VPS13B: variants seen among roughly 807,000 people sequenced by gnomAD.
VPS13B encodes vacuolar protein sorting 13 homolog B.
Under a neutral mutation model 426.4 loss-of-function variants are expected in VPS13B, and 285 were observed. The ratio of observed to expected loss-of-function variants is 0.67; its 90% CI spans 0.61 to 0.74. VPS13B has a LOEUF of 0.74. Ranked by LOEUF, VPS13B falls within the 30% of genes least tolerant of loss-of-function variation. The pLI is 0.00. For synonymous variants in VPS13B, 1,676 were observed against 1,676.4 expected (o/e 1.00, Z 0.01); for missense variants, 4,537 against 4,782.6 (o/e 0.95, Z 1.51).
intron 34 of VPS13B, among the ~76,000 whole-genome samples, chr8:99,658,965 C>T (rs1830120057): frequency 6.6e-6 from 1 of 152,060 alleles, no homozygotes; most frequent in South Asian, 2.1e-4. Flanking sequence ...ATGGGGACTA[C>T]AGGCATGGCA....
intron 17 of VPS13B, among the ~76,000 whole-genome samples, chr8:99,212,962 A>G (rs1176469120): frequency 6.6e-6 from 1 of 152,242 alleles, no homozygotes. Flanking sequence ...TTTCTTTAGG[A>G]TTAGTCTTAG....
At chr8:99,625,670 A>G (rs977455581) in intron 33 of VPS13B, among the ~76,000 whole-genome samples, 3 of 152,118 alleles carry the variant, frequency 2.0e-5, no homozygotes, top group African/African-American at 2.4e-5. Flanking sequence ...CCTGGACAAC[A>G]TAATGAAACC....
In VPS13B at chr8:99,577,539, T is replaced by C. The variant is rs2133812014; in HGVS notation, c.5126T>C (p.Leu1709Pro). 3 of 1,613,914 alleles carry C rather than the reference T, an allele frequency of 1.9e-6. No individual in the cohort carries two copies. The highest frequency in any genetic ancestry group is 2.5e-6 in the Non-Finnish European group (3 of 1,179,802). ...TTAGAAGTGAATATAACCACAAACC[T>C]GGACTTCTTCCTAAGTGTGGCTCAA... ...HSLEVNITTN[L>P]DFFLSVAQVQ... The change falls in exon 33 of 62, where the codon CTG (leucine) becomes CCG (proline). Residue 1709 changes from leucine (L) to proline (P), a missense_variant. Coordinates refer to ENST00000357162, the MANE Select transcript of VPS13B (RefSeq NM_152564.5).
At chr8:99,412,628 T>C (rs577424611) in intron 21 of VPS13B, among the ~76,000 whole-genome samples, 35 of 152,126 alleles carry the variant, frequency 2.3e-4, no homozygotes, top group Admixed American at 1.8e-3. Context: ...GTGGTAAGAG[T>C]GGGCATCCTT....
At chr8:99,515,361 A>AGCTGCTGCT (rs576737553) in intron 29 of VPS13B, among the ~76,000 whole-genome samples, 129 of 150,162 alleles carry the variant, frequency 8.6e-4, no homozygotes, top group Middle Eastern at 3.4e-3. Context: ...TTATTTTTAA[A>AGCTGCTGCT]GCTGCTGCTG....
chr8:99,070,021 C>T (rs945700270), intron 3 of VPS13B, among the ~76,000 whole-genome samples: 14 of 152,280 alleles, frequency 9.2e-5, no homozygotes, highest in Admixed American at 2.6e-4. Flanking sequence ...CCCCCCGCCA[C>T]GGCATCCCAA....
intron 60 of VPS13B, 166 bp from the exon 61 acceptor site, chr8:99,871,280 CAG>C: frequency 9.5e-7 from 1 of 1,050,388 alleles, no homozygotes; most frequent in Non-Finnish European, 1.4e-6. Context: ...TTCTGTTAAT[CAG>C]AATCAGTCTG....
chr8:99,847,020 G>A (rs1816019990), intron 54 of VPS13B, among the ~76,000 whole-genome samples: 1 of 151,808 alleles, frequency 6.6e-6, no homozygotes, highest in African/African-American at 2.4e-5. Flanking sequence ...TTTACCTTAT[G>A]TATCATACAA....
chr8:99,562,605 G>T (rs1301948789), intron 31 of VPS13B, among the ~76,000 whole-genome samples: 1 of 152,010 alleles, frequency 6.6e-6, no homozygotes, highest in African/African-American at 2.4e-5. Context: ...TAATTGAGTT[G>T]CTTGACTTCT....
chr8:99,208,065 G>A (rs1319416841), intron 17 of VPS13B, among the ~76,000 whole-genome samples: 5 of 152,158 alleles, frequency 3.3e-5, no homozygotes, highest in Non-Finnish European at 1.5e-5. Context: ...ACTTAAAACA[G>A]CAAATTTATT....
chr8:99,640,300 A>G lies in VPS13B; in HGVS notation c.5221-1511A>G, dbSNP rs529605730. Among the ~76,000 whole-genome samples the G allele has an allele frequency of 2.2e-3, 335 of 151,760 alleles. 1 individual carries two copies. Among genetic ancestry groups the G allele is most frequent in the African/African-American group, 7.5e-3 (312 of 41,396 alleles). ...TTGTTTTTGTTTTTGTTTTTGAGAT[A>G]GGGTCTCACTCTGTCACCCAGGCTG... is the stretch of plus-strand genomic sequence containing the variant. On this transcript the variant is annotated intron_variant, in intron 33 of 61. Transcript: ENST00000357162.
intron 35 of VPS13B, among the ~76,000 whole-genome samples, chr8:99,663,043 C>A (rs1034628386): frequency 6.6e-6 from 1 of 151,844 alleles, no homozygotes; most frequent in Non-Finnish European, 1.5e-5. Context: ...GGCAACAGAG[C>A]AAGACTCTGT....
chr8:99,109,053 A>C (rs6997225), intron 5 of VPS13B, among the ~76,000 whole-genome samples: 125,343 of 151,910 alleles, frequency 0.83, 52,172 homozygotes, highest in South Asian at 0.89. Flanking sequence ...AAGCTTCCTA[A>C]CCTCTTTTTA....
Position 99,766,946 on chromosome 8 carries a change from G to A in VPS13B, c.7223G>A (p.Ser2408Asn), listed in dbSNP as rs750579726. 1.9e-6 allele frequency: 3 copies of A among 1,613,938 alleles called. No homozygotes were observed. Among genetic ancestry groups the A allele is most frequent in the South Asian group, 2.2e-5 (2 of 91,074 alleles). The change falls in exon 40 of 62, where the codon AGT becomes AAT. Residue 2408 changes from serine to asparagine, a missense_variant. Coordinates refer to ENST00000357162, the MANE Select transcript of VPS13B (RefSeq NM_152564.5). ...SDLWRIVLNS[S>N]QNGADDQSSA... ...CTTTGGAGAATTGTCTTGAACAGCA[G>A]TCAAAATGGAGCTGATGACCAAAGG...
At position 99,274,221 on chromosome 8, in the gene VPS13B, C is replaced by A. The variant is rs774142530; in HGVS notation, c.2539C>A (p.Pro847Thr). Residue 847 changes from proline to threonine, a missense_variant, in exon 18 of 62, where the codon CCA (proline) becomes ACA (threonine). Pro to Thr is a conservative substitution (Grantham distance 38). This residue lies in a region of VPS13B where 4,311 missense variants were observed against 4,474.3 expected (regional missense o/e 0.96). Coordinates refer to ENST00000357162, the MANE Select transcript of VPS13B (RefSeq NM_152564.5). Reference sequence around the variant, plus strand: ...AGGTGTGAAATCTAAGAATCCCCTGCCAACTCTTGAGGGCTCAATCCAGAA... The same window carrying A: ...AGGTGTGAAATCTAAGAATCCCCTGACAACTCTTGAGGGCTCAATCCAGAA... ...SIGVKSKNPL[P>T]TLEGSIQNVE... The A allele has an allele frequency of 2.2e-5, 35 of 1,614,108 alleles. No homozygotes were observed. Among genetic ancestry groups the A allele is most frequent in the Non-Finnish European group, 3.0e-5 (35 of 1,180,002 alleles).
rs1261308067 is a variant in VPS13B, at chr8:99,093,097, A to G, written c.292-3215A>G. Among the ~76,000 whole-genome samples, 6 of 152,064 alleles carry G rather than the reference A, an allele frequency of 3.9e-5. No homozygotes were observed. The South Asian group carries it at 1.2e-3, about 31-fold the overall frequency. Reference sequence around the variant, plus strand: ...CTGAATGACTCCTAAAGATGTCTATACAAATAATATTATAAATTTTATGAT... The same window carrying G: ...CTGAATGACTCCTAAAGATGTCTATGCAAATAATATTATAAATTTTATGAT... On this transcript the variant is annotated intron_variant, in intron 3 of 61. Transcript: ENST00000357162.
At chr8:99,056,205 C>T (rs752622392) in intron 3 of VPS13B, among the ~76,000 whole-genome samples, 7 of 151,838 alleles carry the variant, frequency 4.6e-5, no homozygotes, top group South Asian at 2.1e-4. Flanking sequence ...TACAGGTGTG[C>T]GCCACTATGC....
chr8:99,374,607 G>A (rs1813377686), intron 19 of VPS13B, among the ~76,000 whole-genome samples: 2 of 151,952 alleles, frequency 1.3e-5, no homozygotes, highest in Non-Finnish European at 2.9e-5. Context: ...GTCAAATGTT[G>A]TATATAAAGA....
intron 30 of VPS13B, among the ~76,000 whole-genome samples, chr8:99,548,627 T>C (rs1379594261): frequency 6.6e-6 from 1 of 151,976 alleles, no homozygotes; most frequent in Non-Finnish European, 1.5e-5. Context: ...AAAAATGCTT[T>C]TAATATTTCA....
Sources: allele counts gnomAD v4.1 joint callset (sites outside exome capture counted in the v4.1 genomes callset), GRCh38; gene constraint gnomAD v4.1.1; regional missense constraint gnomAD v4.1.1; transcripts MANE v1.5; gene names NCBI Gene and HGNC (gene_info 2026-07-23, HGNC 2026-07-21).